SLC8A3: variants seen among roughly 807,000 people sequenced by gnomAD.
The protein encoded by SLC8A3 is sodium/calcium exchanger 3.
A neutral mutation model predicts 65.4 loss-of-function variants in SLC8A3; 37 were observed. The observed-to-expected ratio is 0.57, with a 90% CI of 0.44 to 0.74. The LOEUF (loss-of-function observed/expected upper bound fraction) is 0.74, where lower values mean the gene tolerates loss of function less well. Ranked by LOEUF, SLC8A3 falls within the 30% of genes least tolerant of loss-of-function variation. The pLI is 0.00. For missense variants in SLC8A3, 1,112 were observed against 1,172.1 expected (o/e 0.95, Z 0.75); for synonymous variants, 461 against 444.5 (o/e 1.04, Z -0.47).
chr14:70,098,489 C>T (rs781475802), intron 2 of SLC8A3, among the ~76,000 whole-genome samples: 2 of 152,030 alleles, frequency 1.3e-5, no homozygotes, highest in East Asian at 1.9e-4. Context: ...AAAGTGTCTG[C>T]GAGGGAAAGG....
At chr14:70,121,525 C>T (rs1387887006) in intron 2 of SLC8A3, among the ~76,000 whole-genome samples, 6 of 152,206 alleles carry the variant, frequency 3.9e-5, no homozygotes, top group Admixed American at 1.3e-4. Flanking sequence ...TAAACCACTT[C>T]AGCCTCAGTT....
intron 2 of SLC8A3, among the ~76,000 whole-genome samples, chr14:70,097,073 G>A (rs1266931811): frequency 4.6e-5 from 7 of 152,136 alleles, no homozygotes; most frequent in African/African-American, 1.7e-4. Flanking sequence ...CGCTAGAGAG[G>A]CTCCTGCTGC....
intron 2 of SLC8A3, among the ~76,000 whole-genome samples, chr14:70,113,555 CCTTTT>C: frequency 6.6e-6 from 1 of 152,182 alleles, no homozygotes; most frequent in Non-Finnish European, 1.5e-5. Context: ...CCTACTTCTT[CCTTTT>C]ATCTTCTTTT....
intron 2 of SLC8A3, among the ~76,000 whole-genome samples, chr14:70,074,239 AG>A (rs2139941125): frequency 6.6e-6 from 1 of 152,300 alleles, no homozygotes; most frequent in South Asian, 2.1e-4. Flanking sequence ...TGGGTCCCAA[AG>A]GGGTTGTCAG....
At chr14:70,128,910 A>G (rs940174137) in intron 2 of SLC8A3, among the ~76,000 whole-genome samples, 54 of 152,232 alleles carry the variant, frequency 3.5e-4, no homozygotes, top group African/African-American at 7.5e-4. Context: ...ACATTTGTCA[A>G]TTATCACCAC....
chr14:70,181,141 G>C (rs745344958), intron 1 of SLC8A3, among the ~76,000 whole-genome samples: 3 of 152,266 alleles, frequency 2.0e-5, no homozygotes, highest in Non-Finnish European at 4.4e-5. Context: ...AGGAATCCAA[G>C]GCCCAGAGAA....
At position 70,177,400 on chromosome 14, in the gene SLC8A3, G is replaced by C. The variant is rs116986226; in HGVS notation, c.-62-8916C>G. Among the ~76,000 whole-genome samples the C allele has an allele frequency of 4.5e-4, 68 of 152,306 alleles. No homozygotes were observed. In the East Asian group the frequency reaches 7.5e-3, roughly 17 times the overall value. ...CACACTTCACTGGAGAACAGTGACA[G>C]AAAACCAAATAATTACACCAAAACA... On this transcript the variant is annotated intron_variant, in intron 1 of 6. Transcript: ENST00000356921.
chr14:70,137,283 G>T (rs1895264755), intron 2 of SLC8A3, among the ~76,000 whole-genome samples: 1 of 151,968 alleles, frequency 6.6e-6, no homozygotes, highest in Non-Finnish European at 1.5e-5. Flanking sequence ...CTCCCGAGCA[G>T]CTGGAATTAC....
rs138290036 is a variant in SLC8A3 at position 70,115,468 on chromosome 14, A to G, written c.1784+51171T>C. Among the ~76,000 whole-genome samples, 261 of 152,330 alleles carry G rather than the reference A, an allele frequency of 1.7e-3. 3 individuals are homozygous for G. The highest frequency in any genetic ancestry group is 9.5e-3 in the South Asian group (46 of 4,830). The stretch of plus-strand genomic sequence containing the variant: ...TGCCTCGGTTTTCCCTTCTGGAATA[A>G]TGGCTCTAACTTTACAAAGTTATTA... On this transcript the variant is annotated intron_variant, in intron 2 of 6. Coordinates refer to ENST00000356921, the MANE Select transcript of SLC8A3 (RefSeq NM_182932.3).
chr14:70,150,165 C>T (rs1896176806), intron 2 of SLC8A3, among the ~76,000 whole-genome samples: 1 of 152,080 alleles, frequency 6.6e-6, no homozygotes, highest in Non-Finnish European at 1.5e-5. Context: ...TACATCATAC[C>T]CCTGGTGAGG....
intron 2 of SLC8A3, among the ~76,000 whole-genome samples, chr14:70,109,959 C>G (rs1893168957): frequency 6.6e-6 from 1 of 152,138 alleles, no homozygotes; most frequent in Admixed American, 6.5e-5. Context: ...TCCCCTTCCT[C>G]TAAAGTTAAC....
chr14:70,164,335 A>G (rs1367984186), intron 2 of SLC8A3, among the ~76,000 whole-genome samples: 1 of 152,172 alleles, frequency 6.6e-6, no homozygotes, highest in Admixed American at 6.5e-5. Flanking sequence ...AAATATCAAG[A>G]ATAGGGGTGC....
At chr14:70,112,530 G>A (rs1317574085) in intron 2 of SLC8A3, among the ~76,000 whole-genome samples, 6 of 152,170 alleles carry the variant, frequency 3.9e-5, no homozygotes, top group Non-Finnish European at 4.4e-5. Flanking sequence ...CCTGGATGCG[G>A]GAATGAAGAA....
At chr14:70,118,228 A>G (rs1257727102) in intron 2 of SLC8A3, among the ~76,000 whole-genome samples, 2 of 152,208 alleles carry the variant, frequency 1.3e-5, no homozygotes, top group African/African-American at 4.8e-5. Context: ...CATGGGAAAA[A>G]TGCCAGTGTT....
chr14:70,052,847 A>C (rs1456723330), intron 3 of SLC8A3, among the ~76,000 whole-genome samples: 1 of 152,194 alleles, frequency 6.6e-6, no homozygotes, highest in Non-Finnish European at 1.5e-5. Context: ...CATTCCACAC[A>C]GTAAACCTCC....
intron 2 of SLC8A3, among the ~76,000 whole-genome samples, chr14:70,103,371 T>C (rs1037608461): frequency 6.6e-6 from 1 of 152,072 alleles, no homozygotes; most frequent in African/African-American, 2.4e-5. Context: ...CTGGTAAGTA[T>C]GTAGGTAAGA....
At chr14:70,049,445 G>A (rs1358284312) in intron 5 of SLC8A3, among the ~76,000 whole-genome samples, 3 of 152,238 alleles carry the variant, frequency 2.0e-5, no homozygotes, top group East Asian at 3.9e-4. Context: ...AGAACACATG[G>A]ACACAGGGAG....
chr14:70,102,616 G>A (rs773071749), intron 2 of SLC8A3, among the ~76,000 whole-genome samples: 4 of 152,004 alleles, frequency 2.6e-5, no homozygotes, highest in Non-Finnish European at 5.9e-5. Context: ...TGAATGAACA[G>A]ACAAAAAATC....
chr14:70,102,935 C>T (rs1892635096), intron 2 of SLC8A3, among the ~76,000 whole-genome samples: 1 of 151,818 alleles, frequency 6.6e-6, no homozygotes, highest in Non-Finnish European at 1.5e-5. Context: ...AAATAAAAAG[C>T]TCACAGAAGT....
Sources: gnomAD v4.1 joint callset for allele counts (sites outside exome capture counted in the v4.1 genomes callset) on GRCh38, gnomAD v4.1.1 for gene constraint, MANE v1.5 for transcripts, NCBI Gene and HGNC (gene_info 2026-07-23, HGNC 2026-07-21) for gene names.